PHACTR1: variants seen among roughly 807,000 people sequenced by gnomAD.
PHACTR1 encodes phosphatase and actin regulator 1, also known as RPEL repeat containing 1.
Under a neutral mutation model 69.2 loss-of-function variants are expected in PHACTR1, and 16 were observed. The observed-to-expected ratio is 0.23, with a 90% CI of 0.16 to 0.35. The LOEUF is 0.35. PHACTR1 is among the 10% of genes least tolerant of loss of function. PHACTR1 has a pLI of 1.00. For missense variants in PHACTR1, 510 were observed against 734.7 expected (o/e 0.69, Z 3.54); for synonymous variants, 312 against 284.5 (o/e 1.10, Z -0.97).
At chr6:13,253,408 A>AT (rs1483511346) in intron 10 of PHACTR1, among the ~76,000 whole-genome samples, 2 of 152,210 alleles carry the variant, frequency 1.3e-5, no homozygotes, top group Non-Finnish European at 2.9e-5. Flanking sequence ...CTTTGTGAAT[A>AT]AATGAATGAA....
intron 4 of PHACTR1, among the ~76,000 whole-genome samples, chr6:12,808,220 G>A (rs191190926): frequency 2.0e-5 from 3 of 152,264 alleles, no homozygotes; most frequent in Admixed American, 6.5e-5. Flanking sequence ...TCTATACAAC[G>A]AGATTCTTTA....
Position 12,919,502 on chromosome 6 carries a change from G to T in PHACTR1, c.251-133863G>T, listed in dbSNP as rs949979828. Among the ~76,000 whole-genome samples the T allele has an allele frequency of 7.2e-5, 11 of 152,300 alleles. 1 individual carries two copies. The highest frequency in any genetic ancestry group is 2.6e-4 in the African/African-American group (11 of 41,570). ...CATTGGATGTGCACACTGGTACTAA[G>T]ATCCTACAGGATCCCTGCAATCTAG... On this transcript the variant is annotated intron_variant, in intron 4 of 14. Transcript: ENST00000332995.
rs576661547 is a variant in PHACTR1, at chr6:12,839,353, A to G, written c.250+89563A>G. ...GCCCCATCCTTGCTGCCACCCAGGC[A>G]TCAAGCAAGCTATCATTCCTTCCCT... On this transcript the variant is annotated intron_variant, in intron 4 of 14. Transcript: ENST00000332995. 4.6e-5 allele frequency among the ~76,000 whole-genome samples: 7 copies of G among 152,304 alleles called. No homozygotes were observed. In the East Asian group the frequency reaches 1.3e-3, roughly 29 times the overall value.
At chr6:13,208,627 G>GCC (rs138524215) in intron 8 of PHACTR1, among the ~76,000 whole-genome samples, 120 of 141,380 alleles carry the variant, frequency 8.5e-4, no homozygotes, top group East Asian at 2.5e-3. Context: ...CGTCATTGCT[G>GCC]CCCACCCCCC....
chr6:13,157,369 A>T (rs1011821191), intron 5 of PHACTR1, among the ~76,000 whole-genome samples: 1 of 152,250 alleles, frequency 6.6e-6, no homozygotes, highest in African/African-American at 2.4e-5. Context: ...TCACACATTA[A>T]GTAATATCAT....
At chr6:13,144,864 T>C (rs1583567376) in intron 5 of PHACTR1, among the ~76,000 whole-genome samples, 2 of 151,828 alleles carry the variant, frequency 1.3e-5, no homozygotes, top group African/African-American at 4.8e-5. Flanking sequence ...TGTATACTAC[T>C]AGATGTTCAG....
At chr6:12,719,254 A>G (rs951084887) in intron 3 of PHACTR1, among the ~76,000 whole-genome samples, 11 of 152,224 alleles carry the variant, frequency 7.2e-5, no homozygotes, top group African/African-American at 2.7e-4. Context: ...GGCTCTTGAG[A>G]GAAGCGCTGA....
Position 12,958,289 on chromosome 6 carries a change from C to T in PHACTR1, c.251-95076C>T, listed in dbSNP as rs1792159274. Among the ~76,000 whole-genome samples, 4 of 152,214 alleles carry T rather than the reference C, an allele frequency of 2.6e-5. No homozygotes were observed. In the South Asian group the frequency reaches 8.3e-4, roughly 32 times the overall value. On this transcript the variant is annotated intron_variant, in intron 4 of 14. Coordinates refer to ENST00000332995, the MANE Select transcript of PHACTR1 (RefSeq NM_030948.6). ...ATGATTTTCAAAGGAGATTCACTTG[C>T]AAATCTCACTGCAATGGAGACTTGC...
intron 10 of PHACTR1, chr6:13,267,838 G>GGAAA (rs1362103977): frequency 4.9e-5 from 5 of 101,080 alleles, no homozygotes; most frequent in African/African-American, 2.6e-4. Flanking sequence ...GGAATGATCT[G>GGAAA]AAAAAAAAAA....
intron 4 of PHACTR1, among the ~76,000 whole-genome samples, chr6:12,891,425 T>C (rs1353809951): frequency 4.6e-5 from 7 of 152,206 alleles, no homozygotes. Context: ...TTCTTATAAA[T>C]ATGGTGCTGT....
chr6:13,278,338 T>C lies in PHACTR1; in HGVS notation c.1509+9T>C. ...GGAGGCTAACCCGAAAGGTAGGTGG[T>C]TCTCCATGCCAAGAGCTGGGACAGG... is the stretch of plus-strand genomic sequence containing the variant. On this transcript the variant is annotated intron_variant, in intron 12 of 14. Coordinates refer to ENST00000332995, the MANE Select transcript of PHACTR1 (RefSeq NM_030948.6). 3 of 1,587,778 alleles carry C rather than the reference T, an allele frequency of 1.9e-6. No homozygotes were observed. Among genetic ancestry groups the C allele is most frequent in the Non-Finnish European group, 2.6e-6 (3 of 1,166,888 alleles).
intron 4 of PHACTR1, among the ~76,000 whole-genome samples, chr6:13,010,460 A>G (rs1799322001): frequency 1.3e-5 from 2 of 152,336 alleles, no homozygotes; most frequent in Non-Finnish European, 2.9e-5. Flanking sequence ...CATGAGATCA[A>G]GAGTCCTATC....
chr6:13,039,448 C>A (rs1247146391), intron 4 of PHACTR1, among the ~76,000 whole-genome samples: 2 of 152,302 alleles, frequency 1.3e-5, no homozygotes, highest in Admixed American at 1.3e-4. Context: ...CAAAGCCTTT[C>A]TTTGCCTTCA....
intron 5 of PHACTR1, among the ~76,000 whole-genome samples, chr6:13,106,764 C>T (rs78559929): frequency 0.029 from 4,390 of 151,932 alleles, 189 homozygotes; most frequent in African/African-American, 0.097. Context: ...TTGAATATTG[C>T]CCAATTTTTT....
Position 13,287,344 on chromosome 6 carries a change from C to T in PHACTR1, c.*266C>T, listed in dbSNP as rs1410352762. The stretch of plus-strand genomic sequence containing the variant: ...CAGTGCCAAGGGCACCAGCAGGGCC[C>T]TGACTGAAGACTGTCTGGCAGGTGG... On this transcript the variant is annotated 3_prime_UTR_variant, in exon 15 of 15. Transcript: ENST00000332995. 3.9e-6 allele frequency: 2 copies of T among 512,778 alleles called. No homozygotes were observed. Among genetic ancestry groups the T allele is most frequent in the Non-Finnish European group, 6.9e-6 (2 of 289,264 alleles). The allele number at this position is 512,778 out of a possible 1,614,324, so 31.8% of individuals were successfully genotyped here. A position where few individuals can be genotyped will look rare whatever the true frequency, so the allele number is the denominator to read the frequency against.
chr6:13,274,788 A>C (rs1245499342), intron 11 of PHACTR1: 1 of 152,166 alleles, frequency 6.6e-6, no homozygotes, highest in Non-Finnish European at 1.5e-5. Flanking sequence ...ACCAAAAAGG[A>C]GTTGTGAAAG....
intron 4 of PHACTR1, among the ~76,000 whole-genome samples, chr6:12,870,093 A>G (rs1313736004): frequency 1.3e-5 from 2 of 151,892 alleles, no homozygotes; most frequent in East Asian, 1.9e-4. Context: ...AGCTGGCTGA[A>G]TGATCACTGT....
intron 4 of PHACTR1, among the ~76,000 whole-genome samples, chr6:13,010,646 G>A (rs1799344742): frequency 6.6e-6 from 1 of 152,136 alleles, no homozygotes; most frequent in Non-Finnish European, 1.5e-5. Flanking sequence ...GGGATCTGCT[G>A]GTCCTTGGGG....
chr6:13,203,563 C>T (rs1244326045), intron 7 of PHACTR1, among the ~76,000 whole-genome samples: 3 of 152,264 alleles, frequency 2.0e-5, no homozygotes, highest in South Asian at 2.1e-4. Context: ...TATGCATCCA[C>T]GTTCCCACTC....
Sources: allele counts gnomAD v4.1 joint callset (sites outside exome capture counted in the v4.1 genomes callset), GRCh38; gene constraint gnomAD v4.1.1; transcripts MANE v1.5; gene names NCBI Gene and HGNC (gene_info 2026-07-23, HGNC 2026-07-21).